The following ANK3 variants were observed in gnomAD, a reference collection of about 807,000 sequenced individuals.
The protein encoded by ANK3 is ankyrin 3, also known as ankyrin-3.
In ANK3, 57 loss-of-function variants were observed where a neutral mutation model predicts 370.9. That is an observed-to-expected ratio of 0.15 (90% CI 0.12 to 0.19). The LOEUF is 0.19. Ranked by LOEUF, ANK3 falls within the 10% of genes least tolerant of loss-of-function variation. The pLI is 1.00. For synonymous variants in ANK3, 1,929 were observed against 1,946.3 expected, an observed-to-expected ratio of 0.99 and a Z score of 0.23; for missense variants, 4,439 against 5,302.1, an observed-to-expected ratio of 0.84 and a Z score of 5.06.
intron 2 of ANK3, among the ~76,000 whole-genome samples, chr10:60,434,498 T>C (rs561757760): frequency 2.6e-5 from 4 of 152,352 alleles, no homozygotes; most frequent in South Asian, 2.1e-4. Flanking sequence ...CAATTTGTTT[T>C]CTTTAAAAAA....
chr10:60,344,396 A>T (rs1219308284), intron 1 of ANK3, among the ~76,000 whole-genome samples: 9 of 152,254 alleles, frequency 5.9e-5, no homozygotes, highest in African/African-American at 1.7e-4. Context: ...TTACTAATCC[A>T]GATTATCCCG....
chr10:60,083,759 G>A, intron 32 of ANK3, 142 bp from the exon 33 acceptor site: 2 of 666,950 alleles, frequency 3.0e-6, no homozygotes, highest in Non-Finnish European at 5.0e-6. Context: ...GGTGCTATTT[G>A]CAACAAAAAT....
chr10:60,512,554 G>C (rs1161812803), intron 2 of ANK3, among the ~76,000 whole-genome samples: 3 of 152,144 alleles, frequency 2.0e-5, no homozygotes, highest in Non-Finnish European at 4.4e-5. Context: ...ATTATTCACT[G>C]CAGTGCAAGG....
At chr10:60,151,553 G>GA (rs1370671843) in intron 23 of ANK3, among the ~76,000 whole-genome samples, 4 of 152,010 alleles carry the variant, frequency 2.6e-5, no homozygotes, top group African/African-American at 9.7e-5. Flanking sequence ...ACCAGAAGCA[G>GA]ATGGATGGGC....
chr10:60,588,952 G>A (rs2077872725), intron 2 of ANK3, among the ~76,000 whole-genome samples: 1 of 151,978 alleles, frequency 6.6e-6, no homozygotes, highest in African/African-American at 2.4e-5. Flanking sequence ...ATATTACAAC[G>A]GGGAAAGGGG....
chr10:60,138,190 G>C (rs1402921247), intron 24 of ANK3, among the ~76,000 whole-genome samples: 3 of 152,176 alleles, frequency 2.0e-5, no homozygotes, highest in African/African-American at 7.2e-5. Flanking sequence ...TTCTACAACA[G>C]ATCCTTAAAC....
At chr10:60,214,559 T>C (rs1415452780) in intron 8 of ANK3, among the ~76,000 whole-genome samples, 3 of 152,108 alleles carry the variant, frequency 2.0e-5, no homozygotes, top group African/African-American at 7.2e-5. Flanking sequence ...CCTCTCTCTA[T>C]GTCCATGTGT....
At chr10:60,438,890 C>T (rs946752686) in intron 2 of ANK3, among the ~76,000 whole-genome samples, 2 of 152,164 alleles carry the variant, frequency 1.3e-5, no homozygotes, top group African/African-American at 2.4e-5. Flanking sequence ...TTTTAAATCA[C>T]GGAAAATCCC....
At chr10:60,219,581 G>T (rs2097004628) in intron 8 of ANK3, among the ~76,000 whole-genome samples, 1 of 152,206 alleles carries the variant, frequency 6.6e-6, no homozygotes, top group African/African-American at 2.4e-5. Flanking sequence ...AGACTCTGCA[G>T]GAAGTTGAGG....
chr10:60,267,252 T>C (rs2132660806), intron 5 of ANK3, among the ~76,000 whole-genome samples: 1 of 151,958 alleles, frequency 6.6e-6, no homozygotes, highest in Middle Eastern at 3.4e-3. Flanking sequence ...ACCAATATTA[T>C]TGCTAATGAG....
At chr10:60,327,796 G>A (rs899304774) in intron 1 of ANK3, among the ~76,000 whole-genome samples, 1 of 152,176 alleles carries the variant, frequency 6.6e-6, no homozygotes, top group Non-Finnish European at 1.5e-5. Context: ...AAAAATGCCA[G>A]TTCTCTAGGG....
At chr10:60,413,120 TTATAAAAG>T (rs1187640020) in intron 2 of ANK3, among the ~76,000 whole-genome samples, 1 of 152,258 alleles carries the variant, frequency 6.6e-6, no homozygotes, top group Non-Finnish European at 1.5e-5. Flanking sequence ...TTGAGCCTTT[TTATAAAAG>T]AGAATTGTAG....
At chr10:60,208,867 TG>T (rs759548516) in intron 9 of ANK3, among the ~76,000 whole-genome samples, 203 of 152,324 alleles carry the variant, frequency 1.3e-3, no homozygotes, top group Non-Finnish European at 2.0e-3. Flanking sequence ...ATCAATCTGG[TG>T]CCCCCATGTG....
chr10:60,680,831 G>C (rs1359581127), intron 1 of ANK3, among the ~76,000 whole-genome samples: 3 of 152,048 alleles, frequency 2.0e-5, no homozygotes, highest in South Asian at 2.1e-4. Flanking sequence ...TATGTGGGGA[G>C]GTTGTTAATC....
rs114964438 is a variant in ANK3, at chr10:60,490,684, A to G, written c.96+124502T>C. Reference sequence around the variant, plus strand: ...ATCAATACTTTTCTTCCACTGGATCATTTTATTTAGCATACAAACTTGCTG... The same window carrying G: ...ATCAATACTTTTCTTCCACTGGATCGTTTTATTTAGCATACAAACTTGCTG... On this transcript the variant is annotated intron_variant, in intron 2 of 43. Transcript: ENST00000373827. Among the ~76,000 whole-genome samples, 972 of 152,244 alleles carry G rather than the reference A, an allele frequency of 6.4e-3. 12 individuals are homozygous for G. Among genetic ancestry groups the G allele is most frequent in the African/African-American group, 0.022 (922 of 41,542 alleles).
At chr10:60,613,157 T>C (rs2078223626) in intron 2 of ANK3, among the ~76,000 whole-genome samples, 1 of 152,302 alleles carries the variant, frequency 6.6e-6, no homozygotes, top group African/African-American at 2.4e-5. Flanking sequence ...TTCCATTCAT[T>C]CTAAAAATTG....
intron 4 of ANK3, among the ~76,000 whole-genome samples, chr10:60,276,005 C>A (rs570315537): frequency 2.5e-4 from 38 of 152,188 alleles, no homozygotes; most frequent in African/African-American, 9.1e-4. Context: ...AACTCAATTT[C>A]TTTCTCAGAG....
chr10:60,703,691 G>T (rs2079575080), intron 1 of ANK3, among the ~76,000 whole-genome samples: 1 of 152,122 alleles, frequency 6.6e-6, no homozygotes, highest in South Asian at 2.1e-4. Context: ...AGAACCAACA[G>T]CTATGTATCT....
At chr10:60,612,458 C>T (rs1032591862) in intron 2 of ANK3, among the ~76,000 whole-genome samples, 1 of 151,962 alleles carries the variant, frequency 6.6e-6, no homozygotes, top group Admixed American at 6.6e-5. Flanking sequence ...TTGCCTCACT[C>T]GGTATTTTGT....
Sources: gnomAD v4.1 joint callset for allele counts (sites outside exome capture counted in the v4.1 genomes callset) on GRCh38, gnomAD v4.1.1 for gene constraint, MANE v1.5 for transcripts, NCBI Gene and HGNC (gene_info 2026-07-23, HGNC 2026-07-21) for gene names.